Variants in GRM8 observed in about 807,000 individuals in gnomAD.
GRM8 encodes the protein metabotropic glutamate receptor 8.
GRM8 carries 47 observed loss-of-function variants against 87.2 expected under a neutral mutation model. That is an observed-to-expected ratio of 0.54 (90% confidence interval 0.43 to 0.69). The LOEUF is 0.69. GRM8 is among the 30% of genes least tolerant of loss of function. The pLI, the probability that GRM8 is intolerant of heterozygous loss-of-function variation, is 0.00. For synonymous variants in GRM8, 396 were observed against 404.5 expected, an observed-to-expected ratio of 0.98 and a Z score of 0.25; for missense variants, 1,019 against 1,139.2, an observed-to-expected ratio of 0.89 and a Z score of 1.52.
chr7:126,546,042 A>G lies in GRM8; in HGVS notation c.1495-12155T>C, dbSNP rs181827302. Among the ~76,000 whole-genome samples the G allele has an allele frequency of 1.8e-4, 28 of 152,286 alleles. 1 individual carries two copies. The East Asian group carries it at 5.0e-3, about 27-fold the overall frequency. On this transcript the variant is annotated intron_variant, in intron 8 of 10. Coordinates refer to ENST00000339582, the MANE Select transcript of GRM8 (RefSeq NM_000845.3). ...AGGAACACGTGTCTTCAGAATGTTAAAGATAGCCAAAGAGGTTTGGAATGA... is the reference window on the plus strand; with the variant it reads ...AGGAACACGTGTCTTCAGAATGTTAGAGATAGCCAAAGAGGTTTGGAATGA...
At chr7:126,851,479 C>G (rs1040547544) in intron 6 of GRM8, among the ~76,000 whole-genome samples, 18 of 152,170 alleles carry the variant, frequency 1.2e-4, no homozygotes, top group African/African-American at 3.4e-4. Flanking sequence ...AGCCAAGAGC[C>G]TTTCTATGAT....
At chr7:126,791,862 G>A (rs1023203814) in intron 6 of GRM8, among the ~76,000 whole-genome samples, 5 of 152,098 alleles carry the variant, frequency 3.3e-5, no homozygotes, top group East Asian at 1.9e-4. Flanking sequence ...CAGGTTTCTC[G>A]GAAAGATGGA....
intron 7 of GRM8, among the ~76,000 whole-genome samples, chr7:126,742,227 A>G (rs1815089782): frequency 1.3e-5 from 2 of 152,098 alleles, no homozygotes; most frequent in African/African-American, 2.4e-5. Context: ...TTGTTGCAGT[A>G]ATTAAATTAA....
intron 7 of GRM8, among the ~76,000 whole-genome samples, chr7:126,646,521 C>T (rs1281273417): frequency 6.6e-6 from 1 of 152,134 alleles, no homozygotes; most frequent in African/African-American, 2.4e-5. Flanking sequence ...TCAAAGGCTA[C>T]AAATTGTGTC....
chr7:126,768,938 A>ACCAAAAAAAAAAT (rs1554485650), intron 7 of GRM8, among the ~76,000 whole-genome samples: 3 of 148,064 alleles, frequency 2.0e-5, no homozygotes, highest in African/African-American at 7.4e-5. Context: ...AAAAAAAAAA[A>ACCAAAAAAAAAAT]AAATAAAGAA....
At chr7:127,125,765 A>AGCACACACACAC (rs1554598093) in intron 2 of GRM8, among the ~76,000 whole-genome samples, 6 of 141,094 alleles carry the variant, frequency 4.3e-5, no homozygotes, top group Non-Finnish European at 7.7e-5. Flanking sequence ...CAAACAACTA[A>AGCACACACACAC]ACACACACAC....
intron 9 of GRM8, among the ~76,000 whole-genome samples, chr7:126,453,418 C>T (rs893904270): frequency 6.6e-6 from 1 of 151,626 alleles, no homozygotes; most frequent in Non-Finnish European, 1.5e-5. Context: ...TCAAAAGCTA[C>T]GAATAAAGAA....
intron 9 of GRM8, among the ~76,000 whole-genome samples, chr7:126,474,532 G>T (rs1805676263): frequency 6.6e-6 from 1 of 152,146 alleles, no homozygotes; most frequent in South Asian, 2.1e-4. Flanking sequence ...CCAAAGAGCT[G>T]GGATTATGGG....
Position 126,484,496 on chromosome 7 carries a change from C to T in GRM8, c.2431-38124G>A, listed in dbSNP as rs1170996690. On this transcript the variant is annotated intron_variant, in intron 9 of 10. Transcript: ENST00000339582. ...GTCAAATGTGTTTCTCACGTCTAGA[C>T]GAATTTAAAGTTAGTCATTGCAGGG... Among the ~76,000 whole-genome samples, 6 of 152,080 alleles carry T rather than the reference C, an allele frequency of 3.9e-5. No homozygotes were observed. The South Asian group carries it at 6.2e-4, about 16-fold the overall frequency.
chr7:127,029,595 C>A (rs1429932898), intron 3 of GRM8, among the ~76,000 whole-genome samples: 1 of 151,536 alleles, frequency 6.6e-6, no homozygotes, highest in Non-Finnish European at 1.5e-5. Flanking sequence ...TAATGCCCTT[C>A]TTTGCCTCTT....
intron 7 of GRM8, among the ~76,000 whole-genome samples, chr7:126,610,019 T>C (rs925332660): frequency 6.6e-6 from 1 of 152,200 alleles, no homozygotes; most frequent in African/African-American, 2.4e-5. Flanking sequence ...CAATGTGGTC[T>C]ACTGTTGGGA....
At chr7:127,003,614 T>C (rs754079503) in intron 3 of GRM8, among the ~76,000 whole-genome samples, 2 of 151,764 alleles carry the variant, frequency 1.3e-5, no homozygotes, top group African/African-American at 2.4e-5. Flanking sequence ...TCGTGTCAAA[T>C]AGAACAGATA....
rs369655737 is a variant in GRM8 at position 126,489,629 on chromosome 7, T to C, written c.2431-43257A>G. On this transcript the variant is annotated intron_variant, in intron 9 of 10. Transcript: ENST00000339582. The stretch of plus-strand genomic sequence containing the variant: ...AGATCTTGTAAAAAATCTTTAGACT[T>C]TTCTTTTTCCCTTTAAGGTTTTACC... Among the ~76,000 whole-genome samples the C allele has an allele frequency of 2.4e-4, 37 of 152,188 alleles. 1 individual carries two copies. Among genetic ancestry groups the C allele is most frequent in the African/African-American group, 7.7e-4 (32 of 41,568 alleles).
chr7:126,957,795 C>T (rs556542680), intron 3 of GRM8, among the ~76,000 whole-genome samples: 35 of 152,320 alleles, frequency 2.3e-4, no homozygotes, highest in South Asian at 1.9e-3. Context: ...AGGAAGCAGA[C>T]AGGCTGAGAG....
chr7:126,852,903 T>C (rs766122850), intron 6 of GRM8, among the ~76,000 whole-genome samples: 4 of 152,334 alleles, frequency 2.6e-5, no homozygotes, highest in Non-Finnish European at 5.9e-5. Flanking sequence ...TTGTCCTTGA[T>C]CATAATAATC....
At chr7:126,510,146 A>C (rs2150739508) in intron 9 of GRM8, among the ~76,000 whole-genome samples, 1 of 152,192 alleles carries the variant, frequency 6.6e-6, no homozygotes, top group East Asian at 1.9e-4. Context: ...CTATAGCTGC[A>C]CATTTCTTTT....
chr7:127,151,605 A>G (rs187697929), intron 2 of GRM8, among the ~76,000 whole-genome samples: 108 of 152,126 alleles, frequency 7.1e-4, no homozygotes, highest in African/African-American at 2.6e-3. Flanking sequence ...TTTCATTATC[A>G]TTATCGTCCT....
At chr7:126,542,242 C>T (rs1232767343) in intron 8 of GRM8, among the ~76,000 whole-genome samples, 1 of 152,144 alleles carries the variant, frequency 6.6e-6, no homozygotes, top group Non-Finnish European at 1.5e-5. Context: ...TCTAAAGGGT[C>T]GGCATTTGTA....
At position 126,606,758 on chromosome 7, in the gene GRM8, C is replaced by A. The variant is rs868175049; in HGVS notation, c.1494+2604G>T. Among the ~76,000 whole-genome samples the A allele has an allele frequency of 3.3e-5, 5 of 152,284 alleles. No individual in the cohort carries two copies. The South Asian group carries it at 1.0e-3, about 32-fold the overall frequency. On this transcript the variant is annotated intron_variant, in intron 8 of 10. Transcript: ENST00000339582. ...AATCATGCATGAGAAATAATTCTCACAAATTGTTTTGATACATTTTATGAA... is the reference window on the plus strand; with the variant it reads ...AATCATGCATGAGAAATAATTCTCAAAAATTGTTTTGATACATTTTATGAA...
Sources: allele counts gnomAD v4.1 joint callset (sites outside exome capture counted in the v4.1 genomes callset), GRCh38; gene constraint gnomAD v4.1.1; transcripts MANE v1.5; gene names NCBI Gene and HGNC (gene_info 2026-07-23, HGNC 2026-07-21).